Variants in HS6ST3 observed in about 807,000 individuals in gnomAD.
HS6ST3 encodes the protein heparan-sulfate 6-O-sulfotransferase 3.
HS6ST3 carries 12 observed loss-of-function variants against 36.7 expected under a neutral mutation model. The ratio of observed to expected loss-of-function variants is 0.33; its 90% CI spans 0.21 to 0.53. HS6ST3 has a LOEUF of 0.53. HS6ST3 is among the 20% of genes least tolerant of loss of function. The pLI is 0.95. For synonymous variants in HS6ST3, 240 were observed against 257.5 expected, an observed-to-expected ratio of 0.93 and a Z score of 0.65; for missense variants, 584 against 640.9, an observed-to-expected ratio of 0.91 and a Z score of 0.96.
intron 1 of HS6ST3, among the ~76,000 whole-genome samples, chr13:96,723,735 C>G (rs559171371): frequency 6.6e-6 from 1 of 152,214 alleles, no homozygotes; most frequent in Non-Finnish European, 1.5e-5. Flanking sequence ...TTTCTCTACC[C>G]TTCAACATGA....
chr13:96,187,226 G>A (rs2054269014), intron 1 of HS6ST3, among the ~76,000 whole-genome samples: 1 of 152,176 alleles, frequency 6.6e-6, no homozygotes, highest in Non-Finnish European at 1.5e-5. Flanking sequence ...TCACTTTGCA[G>A]CAACTTTTGT....
At chr13:96,662,524 GT>G (rs1335756697) in intron 1 of HS6ST3, among the ~76,000 whole-genome samples, 2 of 133,622 alleles carry the variant, frequency 1.5e-5, no homozygotes, top group Non-Finnish European at 3.4e-5. Flanking sequence ...GGGTGTGTGT[GT>G]GTGTGTGTGT....
At position 96,791,683 on chromosome 13, in the gene HS6ST3, A is replaced by G. The variant is rs149591922; in HGVS notation, c.708-40807A>G. On this transcript the variant is annotated intron_variant, in intron 1 of 1. Coordinates refer to ENST00000376705, the MANE Select transcript of HS6ST3 (RefSeq NM_153456.4). ...AGGATACCTTTACCTTGAAAATACA[A>G]CACTGTTCACCTCTTCCTTTGTTTG... 3.1e-3 allele frequency among the ~76,000 whole-genome samples: 473 copies of G among 152,184 alleles called. 3 individuals are homozygous for G. The highest frequency in any genetic ancestry group is 6.0e-3 in the Non-Finnish European group (406 of 67,970).
At chr13:96,378,123 A>G (rs1368695858) in intron 1 of HS6ST3, among the ~76,000 whole-genome samples, 1 of 152,152 alleles carries the variant, frequency 6.6e-6, no homozygotes, top group African/African-American at 2.4e-5. Flanking sequence ...TGTTTTTGAA[A>G]GTGATTGAAG....
rs552202605 is a variant in HS6ST3 at position 96,513,974 on chromosome 13, C to T, written c.708-318516C>T. Among the ~76,000 whole-genome samples the T allele has an allele frequency of 3.3e-5, 5 of 151,914 alleles. No homozygotes were observed. In the South Asian group the frequency reaches 6.2e-4, roughly 19 times the overall value. Reference sequence around the variant, plus strand: ...AATAAGGAGTGCAGTGTGGTTGTAGCGTTGTGGGAGAGGAGAGTTAGGAGA... The same window carrying T: ...AATAAGGAGTGCAGTGTGGTTGTAGTGTTGTGGGAGAGGAGAGTTAGGAGA... On this transcript the variant is annotated intron_variant, in intron 1 of 1. Coordinates refer to ENST00000376705, the MANE Select transcript of HS6ST3 (RefSeq NM_153456.4).
At chr13:96,257,922 G>A (rs758789413) in intron 1 of HS6ST3, among the ~76,000 whole-genome samples, 16 of 152,110 alleles carry the variant, frequency 1.1e-4, no homozygotes, top group Non-Finnish European at 1.5e-4. Context: ...AAAGACAAAC[G>A]TCATTTTTTC....
At chr13:96,143,885 A>G (rs1264877419) in intron 1 of HS6ST3, among the ~76,000 whole-genome samples, 3 of 152,178 alleles carry the variant, frequency 2.0e-5, no homozygotes, top group East Asian at 1.9e-4. Flanking sequence ...AGATGAGTCA[A>G]TGTTTTTCTT....
chr13:96,230,183 A>G (rs2054501054), intron 1 of HS6ST3, among the ~76,000 whole-genome samples: 1 of 152,096 alleles, frequency 6.6e-6, no homozygotes. Context: ...AAGAGTAGTG[A>G]TATACTCATT....
At chr13:96,481,607 G>A (rs1034009314) in intron 1 of HS6ST3, among the ~76,000 whole-genome samples, 1 of 152,128 alleles carries the variant, frequency 6.6e-6, no homozygotes, top group African/African-American at 2.4e-5. Context: ...GCGTTTCTCT[G>A]TTGCCTTCCC....
intron 1 of HS6ST3, among the ~76,000 whole-genome samples, chr13:96,218,702 A>G (rs2054439760): frequency 6.6e-6 from 1 of 152,146 alleles, no homozygotes; most frequent in Non-Finnish European, 1.5e-5. Context: ...AGACAGCGTC[A>G]GAGCACTCTG....
chr13:96,801,767 G>C (rs1878079886), intron 1 of HS6ST3, among the ~76,000 whole-genome samples: 1 of 152,042 alleles, frequency 6.6e-6, no homozygotes, highest in Non-Finnish European at 1.5e-5. Flanking sequence ...CACATTTCTG[G>C]AGCAAACTGG....
intron 1 of HS6ST3, among the ~76,000 whole-genome samples, chr13:96,600,329 T>TACACACACAC (rs34142366): frequency 4.2e-4 from 62 of 146,074 alleles, no homozygotes; most frequent in East Asian, 3.5e-3. Flanking sequence ...TGGAGTTAGG[T>TACACACACAC]ACACACACAC....
At chr13:96,515,820 T>A (rs939058959) in intron 1 of HS6ST3, among the ~76,000 whole-genome samples, 10 of 152,186 alleles carry the variant, frequency 6.6e-5, no homozygotes, top group African/African-American at 2.4e-4. Flanking sequence ...CCTTTCTTTA[T>A]AAATTACCCA....
intron 1 of HS6ST3, among the ~76,000 whole-genome samples, chr13:96,468,475 CAT>C (rs66514006): frequency 0.13 from 6,961 of 53,572 alleles, 218 homozygotes; most frequent in Non-Finnish European, 0.2. Context: ...GACATACACA[CAT>C]ACACACACAC....
intron 1 of HS6ST3, among the ~76,000 whole-genome samples, chr13:96,614,538 G>A (rs1234504211): frequency 6.6e-6 from 1 of 151,930 alleles, no homozygotes; most frequent in Admixed American, 6.6e-5. Context: ...GAAGGAAAAA[G>A]CATAAATAAT....
At chr13:96,331,780 C>T (rs994998171) in intron 1 of HS6ST3, among the ~76,000 whole-genome samples, 1 of 152,056 alleles carries the variant, frequency 6.6e-6, no homozygotes. Flanking sequence ...CTCCCCCAGC[C>T]TCGCTGCCGC....
intron 1 of HS6ST3, among the ~76,000 whole-genome samples, chr13:96,586,796 T>C (rs919566068): frequency 6.6e-6 from 1 of 152,180 alleles, no homozygotes; most frequent in African/African-American, 2.4e-5. Context: ...GCAGAAGATT[T>C]TTAGTTTGGT....
At chr13:96,201,938 G>T (rs1204975870) in intron 1 of HS6ST3, among the ~76,000 whole-genome samples, 3 of 152,062 alleles carry the variant, frequency 2.0e-5, no homozygotes, top group Non-Finnish European at 4.4e-5. Context: ...TGTTTCAAAG[G>T]AACTGGGCCC....
chr13:96,701,008 G>A (rs1312799158), intron 1 of HS6ST3, among the ~76,000 whole-genome samples: 1 of 152,106 alleles, frequency 6.6e-6, no homozygotes, highest in African/African-American at 2.4e-5. Context: ...TAGAATAAAG[G>A]TCACAATTTA....
Sources: allele counts gnomAD v4.1 joint callset (sites outside exome capture counted in the v4.1 genomes callset), GRCh38; gene constraint gnomAD v4.1.1; transcripts MANE v1.5; gene names NCBI Gene and HGNC (gene_info 2026-07-23, HGNC 2026-07-21).